Variants in CEP63 observed in about 807,000 individuals in gnomAD.
CEP63 encodes centrosomal protein of 63 kDa.
CEP63 carries 84 observed loss-of-function variants against 89.1 expected under a neutral mutation model. The observed-to-expected ratio is 0.94, with a 90% CI of 0.79 to 1.13. The LOEUF (loss-of-function observed/expected upper bound fraction) is 1.13. Ranked by LOEUF, CEP63 falls within the 50% of genes most tolerant of loss-of-function variation. The probability of loss-of-function intolerance (pLI) is 0.00; values close to 1 mark genes in which losing one functional copy is unlikely to be tolerated. For missense variants in CEP63, 838 were observed against 813.3 expected, an observed-to-expected ratio of 1.03 and a Z score of -0.37; for synonymous variants, 267 against 272.5, an observed-to-expected ratio of 0.98 and a Z score of 0.20.
chr3:134,737,133 GA>G, the CEP63 span, among the ~76,000 whole-genome samples: 2 of 152,070 alleles, frequency 1.3e-5, no homozygotes, highest in African/African-American at 4.8e-5. Context: ...ATTCCTGCTT[GA>G]CAATATAACC....
chr3:134,725,696 T>C, the CEP63 span, among the ~76,000 whole-genome samples: 1 of 152,268 alleles, frequency 6.6e-6, no homozygotes, highest in South Asian at 2.1e-4. Flanking sequence ...CAGAACTTTA[T>C]TGCTTACAGT....
Position 134,561,767 on chromosome 3 carries a change from AC to A in CEP63, c.*233del. On this transcript the variant is annotated 3_prime_UTR_variant, in exon 15 of 15. Transcript: ENST00000675561. ...TTGAAAGAATAAACCACTTTGCTAG[AC>A]TTTTTTCTCATACGAATATTTATTA... 1 of 1,338,008 alleles carries A rather than the reference AC, an allele frequency of 7.5e-7. No homozygotes were observed. The highest frequency in any genetic ancestry group is 1.7e-5 in the South Asian group (1 of 60,296). The allele number at this position is 1,338,008 out of a possible 1,614,324, so 82.9% of individuals were successfully genotyped here. A position where few individuals can be genotyped will look rare whatever the true frequency, so the allele number is the denominator to read the frequency against.
chr3:134,545,832 ATCAC>A lies in CEP63; in HGVS notation c.789+15_789+18del. 6.3e-7 allele frequency: 1 copy of A among 1,575,088 alleles called. No homozygotes were observed. ...AAAACTATTAGAGGTATGTTTTAAA[ATCAC>A]TATAATTGGGGGAAGTGTGTGTATG... On this transcript the variant is annotated intron_variant, in intron 7 of 14. Transcript: ENST00000675561.
At chr3:134,739,880 C>T in the CEP63 span, among the ~76,000 whole-genome samples, 2 of 152,266 alleles carry the variant, frequency 1.3e-5, no homozygotes, top group East Asian at 1.9e-4. Flanking sequence ...TTTTCAACAA[C>T]GTGTTTCAAG....
chr3:134,616,599 T>G, the CEP63 span, among the ~76,000 whole-genome samples: 4 of 152,216 alleles, frequency 2.6e-5, no homozygotes. Flanking sequence ...TGAGGAATTT[T>G]GCACATGGTA....
At chr3:134,503,607 C>A (rs139683793) in intron 2 of CEP63, among the ~76,000 whole-genome samples, 2 of 151,960 alleles carry the variant, frequency 1.3e-5, no homozygotes, top group Non-Finnish European at 2.9e-5. Context: ...AGTGGGGTAC[C>A]GAAGTCCCCA....
chr3:134,628,079 G>C, the CEP63 span: 4 of 539,298 alleles, frequency 7.4e-6, no homozygotes, highest in Non-Finnish European at 1.3e-5. Context: ...GTTAGTATTT[G>C]CTCTGACCTA....
intron 3 of CEP63, among the ~76,000 whole-genome samples, chr3:134,523,999 A>G (rs577950863): frequency 1.3e-5 from 2 of 152,228 alleles, no homozygotes; most frequent in South Asian, 4.1e-4. Context: ...CATTTTAATG[A>G]TACTGATTCT....
At chr3:134,712,454 C>T in the CEP63 span, among the ~76,000 whole-genome samples, 1 of 152,112 alleles carries the variant, frequency 6.6e-6, no homozygotes, top group South Asian at 2.1e-4. Context: ...CTTTTTATTA[C>T]ATTTTAAAAT....
chr3:134,607,016 C>T, the CEP63 span: 1 of 984,546 alleles, frequency 1.0e-6, no homozygotes, highest in African/African-American at 1.7e-5. Flanking sequence ...TATATGGAAT[C>T]ATATTTAGGT....
At position 134,523,314 on chromosome 3, in the gene CEP63, C is replaced by T. The variant is rs112826205; in HGVS notation, c.223-8531C>T. ...CTGGATACTAGTCTTTTGTCAGATG[C>T]ATAGTTTGCAAAAGTTTTCTTCCAT... On this transcript the variant is annotated intron_variant, in intron 3 of 14. Transcript: ENST00000675561. Among the ~76,000 whole-genome samples, 965 of 152,126 alleles carry T rather than the reference C, an allele frequency of 6.3e-3. 6 individuals carry two copies. Among genetic ancestry groups the T allele is most frequent in the African/African-American group, 0.022 (927 of 41,530 alleles).
At chr3:134,542,845 T>G (rs921061465) in intron 6 of CEP63, among the ~76,000 whole-genome samples, 5 of 152,156 alleles carry the variant, frequency 3.3e-5, no homozygotes, top group African/African-American at 1.2e-4. Context: ...GTGATTTGTA[T>G]TGTTGAAATA....
Position 134,507,170 on chromosome 3 carries a change from G to T in CEP63, c.106G>T (p.Val36Leu). The change falls in exon 3 of 15, where the codon GTG becomes TTG. Residue 36 changes from valine to leucine, a missense_variant. Coordinates refer to ENST00000675561, the MANE Select transcript of CEP63 (RefSeq NM_001353108.3). ...GCTCATGAAACAGATTGACATAATG[G>T]TGGCTCATAAAAAATCTGAATGGGA... Reference protein sequence around the residue: ...QELMKQIDIMVAHKKSEWEGR... With the variant: ...QELMKQIDIMLAHKKSEWEGR... 6.2e-7 allele frequency: 1 copy of T among 1,613,550 alleles called. No homozygotes were observed.
intron 6 of CEP63, among the ~76,000 whole-genome samples, chr3:134,538,720 G>A (rs929393027): frequency 6.6e-6 from 1 of 151,130 alleles, no homozygotes; most frequent in Non-Finnish European, 1.5e-5. Flanking sequence ...ACTTGACCAA[G>A]ATATTGTTAT....
At chr3:134,677,207 G>A in the CEP63 span, among the ~76,000 whole-genome samples, 8 of 152,092 alleles carry the variant, frequency 5.3e-5, no homozygotes, top group East Asian at 1.9e-4. Flanking sequence ...TGCAGTGAGC[G>A]CAGATGGCGC....
the CEP63 span, among the ~76,000 whole-genome samples, chr3:134,748,452 A>G: frequency 6.6e-6 from 1 of 152,044 alleles, no homozygotes; most frequent in Non-Finnish European, 1.5e-5. Context: ...TCAAAGGGCT[A>G]GAAAGTAGTA....
At chr3:134,745,798 CT>C in the CEP63 span, among the ~76,000 whole-genome samples, 1 of 151,480 alleles carries the variant, frequency 6.6e-6, no homozygotes, top group Admixed American at 6.6e-5. Context: ...GTTTTCTGTC[CT>C]TGTGAGTTTG....
At chr3:134,499,573 T>G (rs1381594868) in intron 2 of CEP63, among the ~76,000 whole-genome samples, 1 of 152,168 alleles carries the variant, frequency 6.6e-6, no homozygotes, top group Non-Finnish European at 1.5e-5. Flanking sequence ...TGTTCTTGCT[T>G]TGCTACTCGA....
At chr3:134,606,722 A>G in the CEP63 span, among the ~76,000 whole-genome samples, 1 of 152,054 alleles carries the variant, frequency 6.6e-6, no homozygotes, top group Non-Finnish European at 1.5e-5. Context: ...GGTTCTTGCC[A>G]AAGGTGTGTT....
Sources: gnomAD v4.1 joint callset for allele counts (sites outside exome capture counted in the v4.1 genomes callset) on GRCh38, gnomAD v4.1.1 for gene constraint, MANE v1.5 for transcripts, NCBI Gene and HGNC (gene_info 2026-07-23, HGNC 2026-07-21) for gene names.